Variants in VPS53 observed in about 807,000 individuals in gnomAD.
VPS53 encodes vacuolar protein sorting-associated protein 53 homolog.
A neutral mutation model predicts 107.0 loss-of-function variants in VPS53; 70 were observed. The observed-to-expected ratio is 0.65, with a 90% CI of 0.54 to 0.80. The LOEUF (loss-of-function observed/expected upper bound fraction) is 0.80, where lower values mean the gene tolerates loss of function less well. Among genes scored for constraint, VPS53 ranks in the 30% least tolerant of loss-of-function variants. VPS53 has a pLI of 0.00. For synonymous variants in VPS53, 409 were observed against 393.3 expected (o/e 1.04, Z -0.47); for missense variants, 917 against 1,049.4 (o/e 0.87, Z 1.74).
chr17:536,853 A>G lies in VPS53; in HGVS notation c.2015+175T>C. ...GTTCATCCACTGTAACGAATGTGCC[A>G]CTTTGTGTGTGGGGAGGTGTCGGTA... On this transcript the variant is annotated intron_variant, in intron 18 of 21. Coordinates refer to ENST00000437048, the MANE Select transcript of VPS53 (RefSeq NM_001128159.3). The G allele has an allele frequency of 4.0e-6, 3 of 740,934 alleles. No individual in the cohort carries two copies. The South Asian group carries it at 5.8e-5, about 14-fold the overall frequency. 45.9% of individuals were successfully genotyped at this position (740,934 alleles called of 1,614,324 possible).
chr17:640,731 T>C (rs1262343697), intron 7 of VPS53, among the ~76,000 whole-genome samples: 1 of 151,900 alleles, frequency 6.6e-6, no homozygotes, highest in African/African-American at 2.4e-5. Flanking sequence ...CCAGTACTGA[T>C]TATTCCACAA....
Position 690,316 on chromosome 17 carries a change from A to G in VPS53, c.285+7102T>C, listed in dbSNP as rs542629390. 4.6e-5 allele frequency among the ~76,000 whole-genome samples: 7 copies of G among 152,362 alleles called. No individual in the cohort carries two copies. The Middle Eastern group carries it at 0.01, about 222-fold the overall frequency. ...GGTGGAGAAAGTTTAAATGAAAGTCATATGAAGAAAGACCTGGGACAGTAC... is the reference window on the plus strand; with the variant it reads ...GGTGGAGAAAGTTTAAATGAAAGTCGTATGAAGAAAGACCTGGGACAGTAC... On this transcript the variant is annotated intron_variant, in intron 4 of 21. Coordinates refer to ENST00000437048, the MANE Select transcript of VPS53 (RefSeq NM_001128159.3).
intron 19 of VPS53, 120 bp from the exon 20 acceptor site, chr17:521,858 T>G: frequency 8.2e-7 from 1 of 1,225,714 alleles, no homozygotes; most frequent in East Asian, 3.0e-5. Context: ...TGCAAAAAAT[T>G]GGGGAAATAA....
intron 4 of VPS53, among the ~76,000 whole-genome samples, chr17:680,951 A>T (rs141625621): frequency 6.6e-6 from 1 of 152,264 alleles, no homozygotes; most frequent in Non-Finnish European, 1.5e-5. Flanking sequence ...TATGTAGGTT[A>T]TATCTACTGA....
chr17:613,222 AC>A (rs1968978535), intron 11 of VPS53, among the ~76,000 whole-genome samples: 2 of 151,422 alleles, frequency 1.3e-5, no homozygotes, highest in African/African-American at 4.9e-5. Context: ...GTGAGTTCAC[AC>A]AGTGAAAACC....
intron 13 of VPS53, among the ~76,000 whole-genome samples, chr17:572,757 G>A (rs1321463958): frequency 2.0e-5 from 3 of 148,926 alleles, no homozygotes; most frequent in Admixed American, 6.6e-5. Flanking sequence ...TGAAGCATGT[G>A]CTGTGACCAC....
At chr17:572,124 A>G (rs1469667285) in intron 13 of VPS53, among the ~76,000 whole-genome samples, 3 of 138,070 alleles carry the variant, frequency 2.2e-5, no homozygotes, top group African/African-American at 5.5e-5. Flanking sequence ...CCGCCATCCC[A>G]TCTAGGAAGT....
chr17:670,463 C>T (rs966055899), intron 4 of VPS53, among the ~76,000 whole-genome samples: 4 of 152,216 alleles, frequency 2.6e-5, no homozygotes, highest in African/African-American at 9.6e-5. Context: ...AGCAGGCTCT[C>T]AAAGCCACAG....
chr17:602,689 A>G (rs1442801634), intron 11 of VPS53, among the ~76,000 whole-genome samples: 3 of 152,206 alleles, frequency 2.0e-5, no homozygotes, highest in Non-Finnish European at 4.4e-5. Flanking sequence ...CTGAATGAGG[A>G]TGTAGTCACA....
At position 710,615 on chromosome 17, in the gene VPS53, T is replaced by C. The variant is rs1335346154; in HGVS notation, c.88-2A>G. 6.8e-6 allele frequency: 11 copies of C among 1,605,996 alleles called. No individual in the cohort carries two copies. The highest frequency in any genetic ancestry group is 1.3e-5 in the African/African-American group (1 of 74,784). On this transcript the variant is annotated splice_acceptor_variant, in intron 1 of 21. Coordinates refer to ENST00000437048, the MANE Select transcript of VPS53 (RefSeq NM_001128159.3). LOFTEE classifies it high-confidence loss of function. ...TAGAGGGTCCTGGCTTGGAAACACC[T>C]ATATAGAAAGAGAGGAGTATATATA...
rs1183956860 is a variant in VPS53, at chr17:658,286, T to G, written c.373-2333A>C. ...CCCACTAAAGTGAGAAACTCGGCCGTGAGTTCGTGGATAGATACATCCCAC... is the reference window on the plus strand; with the variant it reads ...CCCACTAAAGTGAGAAACTCGGCCGGGAGTTCGTGGATAGATACATCCCAC... On this transcript the variant is annotated intron_variant, in intron 5 of 21. Transcript: ENST00000437048. Among the ~76,000 whole-genome samples, 20 of 87,430 alleles carry G rather than the reference T, an allele frequency of 2.3e-4. 1 individual carries two copies. Among genetic ancestry groups the G allele is most frequent in the African/African-American group, 6.1e-4 (15 of 24,528 alleles). The allele number at this position is 87,430 out of a possible 152,430, so 57.4% of individuals were successfully genotyped here.
chr17:508,899 C>G lies in VPS53; in HGVS notation c.*10229G>C, dbSNP rs1349396545. Reference sequence around the variant, plus strand: ...TAGTTTTCAATGCTTTTACTGATTTCTTCTGAAAAATATTTGAACTCATAA... The same window carrying G: ...TAGTTTTCAATGCTTTTACTGATTTGTTCTGAAAAATATTTGAACTCATAA... On this transcript the variant is annotated 3_prime_UTR_variant, in exon 22 of 22. Coordinates refer to ENST00000437048, the MANE Select transcript of VPS53 (RefSeq NM_001128159.3). 4.6e-5 allele frequency: 7 copies of G among 152,126 alleles called. No individual in the cohort carries two copies. The highest frequency in any genetic ancestry group is 1.7e-4 in the African/African-American group (7 of 41,422). 9.4% of individuals were successfully genotyped at this position (152,126 alleles called of 1,614,324 possible).
chr17:661,988 A>C, intron 4 of VPS53, 93 bp from the exon 5 acceptor site: 1 of 1,126,310 alleles, frequency 8.9e-7, no homozygotes, highest in Non-Finnish European at 1.3e-6. Context: ...AGAAATTTCC[A>C]TGAAGCTCTC....
intron 8 of VPS53, among the ~76,000 whole-genome samples, chr17:629,725 G>A (rs1251239274): frequency 6.7e-6 from 1 of 150,148 alleles, no homozygotes. Context: ...ATCGCACCAC[G>A]ACACTCCAGC....
At chr17:711,101 G>C (rs200813674) in intron 1 of VPS53, among the ~76,000 whole-genome samples, 1 of 152,084 alleles carries the variant, frequency 6.6e-6, no homozygotes, top group Admixed American at 6.6e-5. Flanking sequence ...TCCCAGCTAC[G>C]TGGGAGGCTG....
chr17:659,438 G>A (rs772993900), intron 5 of VPS53, among the ~76,000 whole-genome samples: 2 of 152,086 alleles, frequency 1.3e-5, no homozygotes, highest in Non-Finnish European at 2.9e-5. Context: ...GCTCCACGAC[G>A]CCTGGTTAAT....
intron 4 of VPS53, among the ~76,000 whole-genome samples, chr17:673,293 A>G (rs1297199602): frequency 6.6e-6 from 1 of 152,080 alleles, no homozygotes; most frequent in Non-Finnish European, 1.5e-5. Context: ...TCTTTAGAGA[A>G]AGTCTCTTCT....
At position 521,598 on chromosome 17, in the gene VPS53, C is replaced by G; in HGVS notation, c.2223+3G>C. Reference sequence around the variant, plus strand: ...ACTGGCCCCTTTTAACACAAGCCATCACCTTGAGGATCATCTCAGCCCGGG... The same window carrying G: ...ACTGGCCCCTTTTAACACAAGCCATGACCTTGAGGATCATCTCAGCCCGGG... On this transcript the variant is annotated splice_donor_region_variant and intron_variant, in intron 20 of 21. Transcript: ENST00000437048. The G allele has an allele frequency of 1.3e-6, 2 of 1,528,504 alleles. No homozygotes were observed. Among genetic ancestry groups the G allele is most frequent in the South Asian group, 2.5e-5 (2 of 80,994 alleles). 94.7% of individuals were successfully genotyped at this position (1,528,504 alleles called of 1,614,324 possible).
chr17:665,380 G>A (rs1971639919), intron 4 of VPS53, among the ~76,000 whole-genome samples: 1 of 152,184 alleles, frequency 6.6e-6, no homozygotes, highest in South Asian at 2.1e-4. Context: ...CTTGACCTTG[G>A]ACTTCCCAGC....
Sources: gnomAD v4.1 joint callset for allele counts (sites outside exome capture counted in the v4.1 genomes callset) on GRCh38, gnomAD v4.1.1 for gene constraint, MANE v1.5 for transcripts, NCBI Gene and HGNC (gene_info 2026-07-23, HGNC 2026-07-21) for gene names.